PPP2R2C: variants seen among roughly 807,000 people sequenced by gnomAD.
PPP2R2C encodes the protein protein phosphatase 2 regulatory subunit Bgamma.
PPP2R2C carries 10 observed loss-of-function variants against 45.3 expected under a neutral mutation model. The ratio of observed to expected loss-of-function variants is 0.22; its 90% confidence interval spans 0.14 to 0.37. The LOEUF (loss-of-function observed/expected upper bound fraction) is 0.37. Ranked by LOEUF, PPP2R2C falls within the 10% of genes least tolerant of loss-of-function variation. The pLI is 1.00. For synonymous variants in PPP2R2C, 257 were observed against 245.4 expected, an observed-to-expected ratio of 1.05 and a Z score of -0.44; for missense variants, 308 against 619.7, an observed-to-expected ratio of 0.50 and a Z score of 5.34.
At chr4:6,392,282 T>C (rs766362408) in intron 1 of PPP2R2C, among the ~76,000 whole-genome samples, 11 of 152,328 alleles carry the variant, frequency 7.2e-5, no homozygotes, top group Non-Finnish European at 1.2e-4. Flanking sequence ...CTCAGCACTG[T>C]TGCATACACT....
In PPP2R2C at chr4:6,378,302, T is replaced by G. The variant is rs1204262702; in HGVS notation, c.334+105A>C. On this transcript the variant is annotated intron_variant, in intron 3 of 8. Coordinates refer to ENST00000382599, the MANE Select transcript of PPP2R2C (RefSeq NM_020416.4). The surrounding 1 kb of genome is among the most constrained non-coding windows in gnomAD (Gnocchi z 5.2). ...AAAGGATATTATTTTCTAGGCGTTCTGAAGACATAGAAAAATGCTCACAAT... is the reference window on the plus strand; with the variant it reads ...AAAGGATATTATTTTCTAGGCGTTCGGAAGACATAGAAAAATGCTCACAAT... The G allele has an allele frequency of 6.4e-7, 1 of 1,571,002 alleles. No homozygotes were observed. Among genetic ancestry groups the G allele is most frequent in the Non-Finnish European group, 8.6e-7 (1 of 1,162,376 alleles).
chr4:6,548,205 G>A (rs1241711247), intron 1 of PPP2R2C, among the ~76,000 whole-genome samples: 2 of 151,722 alleles, frequency 1.3e-5, no homozygotes, highest in Admixed American at 6.6e-5. Flanking sequence ...GCAACAGAGT[G>A]AGACTCTGTC....
intron 2 of PPP2R2C, among the ~76,000 whole-genome samples, chr4:6,519,594 ACT>A (rs1723949887): frequency 1.3e-5 from 2 of 152,030 alleles, no homozygotes; most frequent in Admixed American, 1.3e-4. Context: ...TGCCTCCACT[ACT>A]CAGTGGTGAG....
intron 1 of PPP2R2C, among the ~76,000 whole-genome samples, chr4:6,544,140 T>C (rs1040893922): frequency 1.3e-5 from 2 of 152,178 alleles, no homozygotes; most frequent in African/African-American, 4.8e-5. Flanking sequence ...GGTCCAAGGC[T>C]GAGCTTGGCA....
chr4:6,432,645 C>G (rs569189124), intron 1 of PPP2R2C, among the ~76,000 whole-genome samples: 1 of 152,204 alleles, frequency 6.6e-6, no homozygotes, highest in African/African-American at 2.4e-5. Flanking sequence ...TGGGACAACA[C>G]GCATACGCAT....
intron 2 of PPP2R2C, among the ~76,000 whole-genome samples, chr4:6,530,336 G>A (rs1724353205): frequency 6.6e-6 from 1 of 152,090 alleles, no homozygotes; most frequent in South Asian, 2.1e-4. Flanking sequence ...CCATGCACGC[G>A]ACGTATGTAG....
In PPP2R2C at chr4:6,378,032, G is replaced by A. The variant is rs1184250122; in HGVS notation, c.334+375C>T. Among the ~76,000 whole-genome samples the A allele has an allele frequency of 6.6e-6, 1 of 152,176 alleles. No homozygotes were observed. The highest frequency in any genetic ancestry group is 2.4e-5 in the African/African-American group (1 of 41,436). On this transcript the variant is annotated intron_variant, in intron 3 of 8. Coordinates refer to ENST00000382599, the MANE Select transcript of PPP2R2C (RefSeq NM_020416.4). The surrounding 1 kb of genome is among the most constrained non-coding windows in gnomAD (Gnocchi z 5.2). ...TGTGTCAAATATCCCCCGTGTCTGC[G>A]ACCTGCATCCTTGTCCATCACACTC...
At chr4:6,516,043 A>G (rs1358463088) in intron 2 of PPP2R2C, among the ~76,000 whole-genome samples, 5 of 152,234 alleles carry the variant, frequency 3.3e-5, no homozygotes, top group African/African-American at 1.2e-4. Context: ...CTGCTCCAGT[A>G]TGACCTGATC....
intron 1 of PPP2R2C, among the ~76,000 whole-genome samples, chr4:6,438,247 C>T (rs1719987169): frequency 6.6e-6 from 1 of 152,216 alleles, no homozygotes; most frequent in Non-Finnish European, 1.5e-5. Flanking sequence ...GGAATGATGT[C>T]AGTATAATGT....
At chr4:6,554,591 G>A (rs1056956579) in intron 1 of PPP2R2C, among the ~76,000 whole-genome samples, 3 of 152,154 alleles carry the variant, frequency 2.0e-5, no homozygotes, top group Non-Finnish European at 4.4e-5. Context: ...CGGGCACAGT[G>A]GCTCACACCT....
chr4:6,478,044 C>T (rs185345738), intron 2 of PPP2R2C, among the ~76,000 whole-genome samples: 3 of 152,302 alleles, frequency 2.0e-5, no homozygotes, highest in East Asian at 1.9e-4. Context: ...GCCCCAACTG[C>T]GTCTCCAGCC....
chr4:6,529,398 G>A (rs1276518844), intron 2 of PPP2R2C, among the ~76,000 whole-genome samples: 1 of 152,240 alleles, frequency 6.6e-6, no homozygotes, highest in Non-Finnish European at 1.5e-5. Flanking sequence ...GAGCCAGCAG[G>A]GGGCTCATAG....
At chr4:6,386,661 T>C (rs186745127) in intron 1 of PPP2R2C, among the ~76,000 whole-genome samples, 2 of 152,066 alleles carry the variant, frequency 1.3e-5, no homozygotes, top group East Asian at 1.9e-4. Context: ...TATGCTATCA[T>C]TCACAACACC....
chr4:6,518,922 T>TAAAAAAAAAAAAAAAAA (rs56002128), intron 2 of PPP2R2C, among the ~76,000 whole-genome samples: 64 of 92,842 alleles, frequency 6.9e-4, no homozygotes, highest in South Asian at 9.6e-4. Flanking sequence ...GACTCTGTCT[T>TAAAAAAAAAAAAAAAAA]AAAAAAAAAA....
chr4:6,387,966 G>A (rs574352138), intron 1 of PPP2R2C, among the ~76,000 whole-genome samples: 9 of 152,192 alleles, frequency 5.9e-5, no homozygotes, highest in South Asian at 2.1e-4. Context: ...CCCCTAAGTG[G>A]CAGGGCCTTT....
intron 2 of PPP2R2C, among the ~76,000 whole-genome samples, chr4:6,514,212 A>G (rs781679017): frequency 1.3e-5 from 2 of 152,210 alleles, no homozygotes; most frequent in Non-Finnish European, 1.5e-5. Context: ...CAATCTTTTC[A>G]ATTTTGTGAA....
At chr4:6,560,824 G>A (rs1040998432) in intron 1 of PPP2R2C, among the ~76,000 whole-genome samples, 2 of 152,240 alleles carry the variant, frequency 1.3e-5, no homozygotes, top group African/African-American at 4.8e-5. Context: ...TGATGGAACA[G>A]CAGAGCCTGT....
intron 1 of PPP2R2C, among the ~76,000 whole-genome samples, chr4:6,545,818 C>A (rs1449592669): frequency 6.6e-6 from 1 of 152,202 alleles, no homozygotes; most frequent in Non-Finnish European, 1.5e-5. Context: ...TCTCTTAGGG[C>A]CATCACATGG....
chr4:6,511,498 GCGGTGA>G (rs1723481029), intron 2 of PPP2R2C, among the ~76,000 whole-genome samples: 5 of 73,682 alleles, frequency 6.8e-5, no homozygotes, highest in African/African-American at 1.2e-4. Flanking sequence ...GGTGGTGATG[GCGGTGA>G]TGGTGGTGGT....
Sources: allele counts gnomAD v4.1 joint callset (sites outside exome capture counted in the v4.1 genomes callset), GRCh38; gene constraint gnomAD v4.1.1; non-coding constraint Gnocchi (gnomAD v3.1); transcripts MANE v1.5; gene names NCBI Gene and HGNC (gene_info 2026-07-23, HGNC 2026-07-21).